Variants in PDE6C observed in about 807,000 individuals in gnomAD.
The protein encoded by PDE6C is phosphodiesterase 6C, also known as cone cGMP-specific 3',5'-cyclic phosphodiesterase subunit alpha'.
PDE6C carries 75 observed loss-of-function variants against 113.1 expected under a neutral mutation model. The ratio of observed to expected loss-of-function variants is 0.66; its 90% CI spans 0.55 to 0.80. The LOEUF (loss-of-function observed/expected upper bound fraction) is 0.80, where lower values mean the gene tolerates loss of function less well. PDE6C is among the 30% of genes least tolerant of loss of function. The pLI is 0.00. For missense variants in PDE6C, 912 were observed against 1,038.6 expected (o/e 0.88, Z 1.67); for synonymous variants, 375 against 363.7 (o/e 1.03, Z -0.35).
intron 14 of PDE6C, among the ~76,000 whole-genome samples, chr10:93,644,148 C>T (rs2058572231): frequency 6.6e-6 from 1 of 152,178 alleles, no homozygotes; most frequent in Admixed American, 6.5e-5. Flanking sequence ...AGGAATACTA[C>T]ATAGATGATG....
chr10:93,624,859 C>T (rs1464538682), intron 4 of PDE6C, among the ~76,000 whole-genome samples: 2 of 152,182 alleles, frequency 1.3e-5, no homozygotes, highest in African/African-American at 4.8e-5. Context: ...CTACCTGCAG[C>T]GTGCTGGTGA....
Position 93,620,988 on chromosome 10 carries a change from G to A in PDE6C, c.723+8G>A, listed in dbSNP as rs1306071753. 12 of 1,608,330 alleles carry A rather than the reference G, an allele frequency of 7.5e-6. No individual in the cohort carries two copies. The highest frequency in any genetic ancestry group is 1.3e-5 in the African/African-American group (1 of 74,770). ...GAATCCCGAAGAAGCCAGGTAAAAGGAAGGCAGCATTAGTCATTCCATGCT... is the reference window on the plus strand; with the variant it reads ...GAATCCCGAAGAAGCCAGGTAAAAGAAAGGCAGCATTAGTCATTCCATGCT... On this transcript the variant is annotated splice_region_variant and intron_variant, in intron 3 of 21. Transcript: ENST00000371447.
chr10:93,642,080 T>C (rs2058562656), intron 14 of PDE6C, among the ~76,000 whole-genome samples: 1 of 152,134 alleles, frequency 6.6e-6, no homozygotes, highest in Admixed American at 6.5e-5. Context: ...ATATTAGGTA[T>C]GATTGCTGGG....
chr10:93,662,125 C>A lies in PDE6C; in HGVS notation c.2275C>A (p.Gln759Lys). The A allele has an allele frequency of 6.3e-7, 1 of 1,599,618 alleles. No individual in the cohort carries two copies. The highest frequency in any genetic ancestry group is 8.6e-7 in the Non-Finnish European group (1 of 1,166,946). ...TCTGGAGAGAACAGTGTTGCAGCAA[C>A]AACCCATTGTAAGACCTTGACATAA... ...GDLERTVLQQ[Q>K]PIPMMDRNKR... is the part of the protein sequence containing the mutation. The change falls in exon 19 of 22, where the codon CAA becomes AAA. Residue 759 changes from glutamine (Q) to lysine (K), a missense_variant. Coordinates refer to ENST00000371447, the MANE Select transcript of PDE6C (RefSeq NM_006204.4).
At chr10:93,639,315 C>T (rs778944921) in intron 11 of PDE6C, among the ~76,000 whole-genome samples, 17 of 152,160 alleles carry the variant, frequency 1.1e-4, no homozygotes, top group Non-Finnish European at 1.9e-4. Flanking sequence ...ACTTTTCACT[C>T]GTATATATTT....
In PDE6C at chr10:93,612,778, A is replaced by C; in HGVS notation, c.53A>C (p.Gln18Pro). ...AVEKYLEENPQFAKEYFDRKL... is the reference protein window; with the variant it reads ...AVEKYLEENPPFAKEYFDRKL... ...GAGAAATACCTGGAGGAGAACCCTC[A>C]GTTTGCCAAGGAGTACTTTGACAGG... The change falls in exon 1 of 22, where the codon CAG becomes CCG. Residue 18 changes from glutamine to proline, a missense_variant. Transcript: ENST00000371447. 6.2e-7 allele frequency: 1 copy of C among 1,614,184 alleles called. No homozygotes were observed. The highest frequency in any genetic ancestry group is 8.5e-7 in the Non-Finnish European group (1 of 1,180,030).
intron 15 of PDE6C, among the ~76,000 whole-genome samples, chr10:93,652,984 C>G (rs1564804241): frequency 6.6e-6 from 1 of 152,276 alleles, no homozygotes; most frequent in East Asian, 1.9e-4. Context: ...TCACACATTC[C>G]TCCCCTCCCC....
intron 15 of PDE6C, among the ~76,000 whole-genome samples, chr10:93,646,443 T>A (rs2058584829): frequency 6.6e-6 from 1 of 152,174 alleles, no homozygotes; most frequent in Non-Finnish European, 1.5e-5. Flanking sequence ...AAAGTCAAGC[T>A]TTCATAGTGG....
chr10:93,646,978 G>A (rs1013371395), intron 15 of PDE6C, among the ~76,000 whole-genome samples: 1 of 152,216 alleles, frequency 6.6e-6, no homozygotes, highest in African/African-American at 2.4e-5. Context: ...AAGGGGCAAA[G>A]AGGGTGGGAT....
chr10:93,626,780 G>C (rs752211180), intron 6 of PDE6C, 25 bp from the exon 7 acceptor site: 32 of 1,612,426 alleles, frequency 2.0e-5, no homozygotes, highest in East Asian at 1.6e-4. Context: ...ATATTGCAAT[G>C]ATTTTTTTTC....
chr10:93,615,437 G>A (rs1366375042), intron 1 of PDE6C, among the ~76,000 whole-genome samples: 1 of 152,100 alleles, frequency 6.6e-6, no homozygotes, highest in Non-Finnish European at 1.5e-5. Context: ...GCTGGAGTGC[G>A]ATGGCGCTAT....
intron 3 of PDE6C, 123 bp downstream of exon 3, chr10:93,621,103 A>G (rs774438708): frequency 3.8e-6 from 3 of 788,818 alleles, no homozygotes; most frequent in Admixed American, 1.7e-5. Flanking sequence ...CAGATCCCCA[A>G]ACTTCAGTCC....
intron 8 of PDE6C, among the ~76,000 whole-genome samples, chr10:93,629,734 C>T (rs2058490976): frequency 6.6e-6 from 1 of 152,170 alleles, no homozygotes; most frequent in African/African-American, 2.4e-5. Context: ...ATGCGCAGTT[C>T]ACAAGAGGGT....
intron 10 of PDE6C, among the ~76,000 whole-genome samples, chr10:93,636,395 T>TG (rs1554890074): frequency 1.1e-4 from 17 of 148,634 alleles, no homozygotes; most frequent in African/African-American, 3.1e-4. Flanking sequence ...TGTGTGTGTG[T>TG]GTGTGTGTGT....
chr10:93,661,089 G>A (rs1228603712), intron 18 of PDE6C, among the ~76,000 whole-genome samples: 8 of 151,988 alleles, frequency 5.3e-5, no homozygotes, highest in Non-Finnish European at 7.4e-5. Context: ...ATCTCTCTTG[G>A]TCTCCACCTT....
chr10:93,616,528 C>T (rs2058420347), intron 1 of PDE6C, among the ~76,000 whole-genome samples: 1 of 152,164 alleles, frequency 6.6e-6, no homozygotes, highest in Admixed American at 6.5e-5. Flanking sequence ...ATAGTAGATG[C>T]TCAATAAATG....
rs757744343 is a variant in PDE6C, at chr10:93,658,932, G to A, written c.2068G>A (p.Ala690Thr). The part of the protein sequence containing the change: ...KRTMFQKIVD[A>T]CEQMQTEEEA... ...GACCATGTTTCAAAAAATTGTTGAT[G>A]CCTGTGAACAAATGCAAACGGAAGA... is the stretch of plus-strand genomic sequence containing the variant. Residue 690 changes from alanine (A) to threonine (T), a missense_variant, in exon 17 of 22, where the codon GCC becomes ACC. Coordinates refer to ENST00000371447, the MANE Select transcript of PDE6C (RefSeq NM_006204.4). 1 of 1,612,306 alleles carries A rather than the reference G, an allele frequency of 6.2e-7. No individual in the cohort carries two copies. The highest frequency in any genetic ancestry group is 8.5e-7 in the Non-Finnish European group (1 of 1,178,572).
At chr10:93,659,053 A>G (rs950879341) in intron 17 of PDE6C, 45 bp downstream of exon 17, 2 of 1,577,802 alleles carry the variant, frequency 1.3e-6, no homozygotes, top group Non-Finnish European at 1.7e-6. Flanking sequence ...TTGTAAAAAT[A>G]ACTTATTTTG....
chr10:93,627,439 C>T (rs943282294), intron 7 of PDE6C, among the ~76,000 whole-genome samples: 4 of 152,118 alleles, frequency 2.6e-5, no homozygotes, highest in Admixed American at 2.0e-4. Context: ...CAGCCACACA[C>T]ATTTCAGATA....
Sources: allele counts gnomAD v4.1 joint callset (sites outside exome capture counted in the v4.1 genomes callset), GRCh38; gene constraint gnomAD v4.1.1; transcripts MANE v1.5; gene names NCBI Gene and HGNC (gene_info 2026-07-23, HGNC 2026-07-21).